Variants in SCAPER observed in about 807,000 individuals in gnomAD.
SCAPER encodes the protein S phase cyclin A-associated protein in the endoplasmic reticulum.
In SCAPER, 98 loss-of-function variants were observed where a neutral mutation model predicts 182.2. The observed-to-expected ratio is 0.54, with a 90% CI of 0.46 to 0.64. The LOEUF is 0.64. SCAPER is among the 30% of genes least tolerant of loss of function. The pLI is 0.00. For missense variants in SCAPER, 1,432 were observed against 1,690.0 expected (o/e 0.85, Z 2.68); for synonymous variants, 605 against 564.6 (o/e 1.07, Z -1.01).
intron 25 of SCAPER, among the ~76,000 whole-genome samples, chr15:76,451,031 C>A (rs952601458): frequency 2.0e-5 from 3 of 152,220 alleles, no homozygotes; most frequent in Admixed American, 6.5e-5. Context: ...TTCCCTTTTG[C>A]CCCTGTGGGC....
Position 76,354,154 on chromosome 15 carries a change from G to A in SCAPER, c.3856-14C>T, listed in dbSNP as rs1566978693. ...CTGCACGATCACCTGAAATGGAAGA[G>A]CAGCCCAGGTCAGCTGCCGAAACGC... On this transcript the variant is annotated splice_polypyrimidine_tract_variant and intron_variant, in intron 29 of 31. Coordinates refer to ENST00000563290, the MANE Select transcript of SCAPER (RefSeq NM_020843.4). This position sits in a 1 kb window ranked among gnomAD's most constrained non-coding sequence, Gnocchi z 4.4. 6.3e-7 allele frequency: 1 copy of A among 1,594,832 alleles called. No homozygotes were observed. The highest frequency in any genetic ancestry group is 8.5e-7 in the Non-Finnish European group (1 of 1,173,466).
intron 24 of SCAPER, among the ~76,000 whole-genome samples, chr15:76,500,363 C>A (rs1349285235): frequency 6.6e-6 from 1 of 152,208 alleles, no homozygotes; most frequent in Non-Finnish European, 1.5e-5. Flanking sequence ...GCCCCTGGTC[C>A]TTGTGTAACT....
intron 17 of SCAPER, among the ~76,000 whole-genome samples, chr15:76,706,621 C>G (rs2059275852): frequency 6.6e-6 from 1 of 152,090 alleles, no homozygotes; most frequent in Admixed American, 6.6e-5. Context: ...CCTAGAGGGT[C>G]TGAACAAAAA....
intron 4 of SCAPER, 94 bp from the exon 5 acceptor site, chr15:76,842,025 C>A: frequency 9.2e-7 from 1 of 1,091,146 alleles, no homozygotes; most frequent in South Asian, 1.5e-5. Flanking sequence ...CAAATCAAAA[C>A]TACTCCAGAA....
At chr15:76,784,737 C>T (rs910731360) in intron 8 of SCAPER, among the ~76,000 whole-genome samples, 3 of 152,164 alleles carry the variant, frequency 2.0e-5, no homozygotes, top group Non-Finnish European at 4.4e-5. Context: ...CACCACACAT[C>T]TACAACCATC....
intron 1 of SCAPER, among the ~76,000 whole-genome samples, chr15:76,892,525 C>A (rs1044767595): frequency 6.6e-6 from 1 of 152,214 alleles, no homozygotes; most frequent in African/African-American, 2.4e-5. Flanking sequence ...TGAACAGACA[C>A]TTCTCTAAAG....
intron 5 of SCAPER, among the ~76,000 whole-genome samples, chr15:76,814,250 A>G (rs2066895105): frequency 6.6e-6 from 1 of 152,352 alleles, no homozygotes; most frequent in Admixed American, 6.5e-5. Flanking sequence ...ACAGAAATAG[A>G]AAAAACAATG....
intron 23 of SCAPER, among the ~76,000 whole-genome samples, chr15:76,529,941 T>C (rs1253318735): frequency 1.3e-5 from 2 of 152,168 alleles, no homozygotes; most frequent in African/African-American, 4.8e-5. Context: ...GGAGGTTGTA[T>C]AAAGAGCAGA....
At chr15:76,790,494 C>T (rs1289400761) in intron 8 of SCAPER, among the ~76,000 whole-genome samples, 2 of 152,162 alleles carry the variant, frequency 1.3e-5, no homozygotes. Context: ...AAGTTCTCTT[C>T]AAGTTTTTAT....
intron 23 of SCAPER, among the ~76,000 whole-genome samples, chr15:76,513,900 TC>T (rs1597132419): frequency 1.3e-5 from 2 of 152,192 alleles, no homozygotes; most frequent in East Asian, 3.9e-4. Context: ...GTCACTCAGA[TC>T]CCCTCAACTA....
chr15:76,731,157 T>C (rs1367944447), intron 16 of SCAPER, among the ~76,000 whole-genome samples: 1 of 152,070 alleles, frequency 6.6e-6, no homozygotes, highest in Non-Finnish European at 1.5e-5. Context: ...ACACTATGAA[T>C]CTATATAGCC....
In SCAPER at chr15:76,765,015, T is replaced by C. The variant is rs1180373378; in HGVS notation, c.1671A>G (p.Leu557=). 1 of 1,604,312 alleles carries C rather than the reference T, an allele frequency of 6.2e-7. No homozygotes were observed. The highest frequency in any genetic ancestry group is 1.7e-5 in the Admixed American group (1 of 58,784). ...HEEKQMKAQQ[L]REKLREEKTL... is the part of the protein sequence containing the mutation. Reference sequence around the variant, plus strand: ...TTTTCTCTTCGCGTAACTTTTCCCTTAGCTGCTGTGCTTTCATTTGTTTTT... The same window carrying C: ...TTTTCTCTTCGCGTAACTTTTCCCTCAGCTGCTGTGCTTTCATTTGTTTTT... The change falls in exon 14 of 32, where the codon CTA becomes CTG. Residue 557 remains leucine (L), a synonymous_variant. Transcript: ENST00000563290.
intron 16 of SCAPER, among the ~76,000 whole-genome samples, chr15:76,729,258 T>A (rs1353507360): frequency 6.9e-6 from 1 of 145,970 alleles, no homozygotes; most frequent in East Asian, 2.0e-4. Context: ...TATATATGTT[T>A]TATATATATA....
chr15:76,391,866 G>C (rs1470340071), intron 27 of SCAPER, among the ~76,000 whole-genome samples: 2 of 152,212 alleles, frequency 1.3e-5, no homozygotes, highest in African/African-American at 4.8e-5. Context: ...TACCAAGTAA[G>C]TGGCATAAAT....
intron 27 of SCAPER, among the ~76,000 whole-genome samples, chr15:76,389,033 T>C (rs2043478501): frequency 6.6e-6 from 1 of 152,122 alleles, no homozygotes; most frequent in Non-Finnish European, 1.5e-5. Flanking sequence ...TCTGACCTTT[T>C]ATGTTATTTA....
At chr15:76,858,572 T>C (rs1043348444) in intron 3 of SCAPER, among the ~76,000 whole-genome samples, 2 of 152,170 alleles carry the variant, frequency 1.3e-5, no homozygotes, top group Non-Finnish European at 2.9e-5. Context: ...CTCAGGTAAT[T>C]AGCATAAGTA....
Position 76,581,134 on chromosome 15 carries a change from T to A in SCAPER, c.2712-6850A>T, listed in dbSNP as rs1011273996. On this transcript the variant is annotated intron_variant, in intron 22 of 31. Coordinates refer to ENST00000563290, the MANE Select transcript of SCAPER (RefSeq NM_020843.4). ...AAATCTGATGAGACCAGTAAACAACTAATGAGATTGAAGCCATAATAAAAA... is the reference window on the plus strand; with the variant it reads ...AAATCTGATGAGACCAGTAAACAACAAATGAGATTGAAGCCATAATAAAAA... 2.0e-5 allele frequency among the ~76,000 whole-genome samples: 3 copies of A among 151,982 alleles called. No individual in the cohort carries two copies. The East Asian group carries it at 5.8e-4, about 29-fold the overall frequency.
At chr15:76,370,051 C>T (rs569943746) in intron 29 of SCAPER, among the ~76,000 whole-genome samples, 2 of 152,258 alleles carry the variant, frequency 1.3e-5, no homozygotes, top group East Asian at 1.9e-4. Flanking sequence ...ACACAGTAGG[C>T]AGGCAGCTCA....
chr15:76,477,433 A>G (rs532251909), intron 24 of SCAPER, among the ~76,000 whole-genome samples: 1 of 152,210 alleles, frequency 6.6e-6, no homozygotes, highest in Non-Finnish European at 1.5e-5. Context: ...GCAGGTTAAC[A>G]GCACAACCCA....
Sources: allele counts gnomAD v4.1 joint callset (sites outside exome capture counted in the v4.1 genomes callset), GRCh38; gene constraint gnomAD v4.1.1; non-coding constraint Gnocchi (gnomAD v3.1); transcripts MANE v1.5; gene names NCBI Gene and HGNC (gene_info 2026-07-23, HGNC 2026-07-21).